The following ANK1 variants were observed in gnomAD, a reference collection of about 807,000 sequenced individuals.
The protein encoded by ANK1 is ankyrin 1.
Under a neutral mutation model 210.4 loss-of-function variants are expected in ANK1, and 51 were observed. The ratio of observed to expected loss-of-function variants is 0.24; its 90% CI spans 0.19 to 0.31. The LOEUF (loss-of-function observed/expected upper bound fraction) is 0.31, where lower values mean the gene tolerates loss of function less well. Ranked by LOEUF, ANK1 falls within the 10% of genes least tolerant of loss-of-function variation. The pLI, the probability that ANK1 is intolerant of heterozygous loss-of-function variation, is 1.00. For missense variants in ANK1, 2,051 were observed against 2,504.4 expected, an observed-to-expected ratio of 0.82 and a Z score of 3.86; for synonymous variants, 967 against 1,025.9, an observed-to-expected ratio of 0.94 and a Z score of 1.10.
chr8:41,767,814 C>T (rs191720988), intron 1 of ANK1, among the ~76,000 whole-genome samples: 1 of 152,224 alleles, frequency 6.6e-6, no homozygotes, highest in African/African-American at 2.4e-5. Flanking sequence ...CCTCCCGCCT[C>T]CCCGAATGCC....
chr8:41,686,043 A>G, intron 36 of ANK1, 109 bp downstream of exon 36: 4 of 1,545,300 alleles, frequency 2.6e-6, no homozygotes, highest in Non-Finnish European at 3.6e-6. Context: ...TGAGAGAGAC[A>G]GAGACAGACT....
intron 1 of ANK1, chr8:41,828,886 G>C (rs1452688295): frequency 1.3e-5 from 2 of 152,272 alleles, no homozygotes; most frequent in East Asian, 1.9e-4. Flanking sequence ...CGGCAAAGGC[G>C]GGTTCCGCAG....
At chr8:41,889,304 A>G (rs10504045) in intron 1 of ANK1, among the ~76,000 whole-genome samples, 1 of 152,220 alleles carries the variant, frequency 6.6e-6, no homozygotes, top group South Asian at 2.1e-4. Context: ...TTCTGGGGTT[A>G]TCAACCTATT....
At chr8:41,865,728 A>C (rs1465593944) in intron 1 of ANK1, among the ~76,000 whole-genome samples, 1 of 151,988 alleles carries the variant, frequency 6.6e-6, no homozygotes, top group Non-Finnish European at 1.5e-5. Flanking sequence ...TCCCCCCAGC[A>C]GTCCCAGGTA....
In ANK1 at chr8:41,655,155, C is replaced by T; in HGVS notation, c.*635G>A. The T allele has an allele frequency of 8.7e-6, 1 of 114,400 alleles. No individual in the cohort carries two copies. The highest frequency in any genetic ancestry group is 2.4e-4 in the East Asian group (1 of 4,108). 7.1% of individuals were successfully genotyped at this position (114,400 alleles called of 1,614,324 possible). A position where few individuals can be genotyped will look rare whatever the true frequency, so the allele number is the denominator to read the frequency against. ...GTGTGTGTGTGTGTGTGTGTGTGTCCTGAATGTCATGTAGAGCGATCTGGG... is the reference window on the plus strand; with the variant it reads ...GTGTGTGTGTGTGTGTGTGTGTGTCTTGAATGTCATGTAGAGCGATCTGGG... On this transcript the variant is annotated 3_prime_UTR_variant, in exon 43 of 43. Coordinates refer to ENST00000289734, the MANE Select transcript of ANK1 (RefSeq NM_000037.4).
intron 42 of ANK1, among the ~76,000 whole-genome samples, chr8:41,656,131 A>G (rs558464079): frequency 6.6e-6 from 1 of 152,350 alleles, no homozygotes; most frequent in East Asian, 1.9e-4. Context: ...CCCCCAGCAG[A>G]TCCTTGTACT....
intron 1 of ANK1, among the ~76,000 whole-genome samples, chr8:41,786,422 T>C (rs1011242314): frequency 2.0e-5 from 3 of 152,210 alleles, no homozygotes; most frequent in Admixed American, 6.5e-5. Flanking sequence ...CAAAATTAGA[T>C]GCAAACAAGT....
intron 1 of ANK1, among the ~76,000 whole-genome samples, chr8:41,779,465 GA>G (rs1331240116): frequency 6.6e-6 from 1 of 151,910 alleles, no homozygotes; most frequent in Non-Finnish European, 1.5e-5. Flanking sequence ...TGTTGCCTAG[GA>G]TGGTCTCAAA....
At chr8:41,664,842 AT>A in intron 39 of ANK1, 2 of 1,612,416 alleles carry the variant, frequency 1.2e-6, no homozygotes, top group Non-Finnish European at 1.7e-6. Context: ...CCTGGTGGAG[AT>A]GGTCTCCTCG....
In ANK1 at chr8:41,717,674, G is replaced by C; in HGVS notation, c.1235C>G (p.Ser412Cys). The change falls in exon 12 of 43, where the codon TCC (serine) becomes TGC (cysteine). Residue 412 changes from serine to cysteine, a missense_variant. By Grantham distance (112) the Ser-to-Cys change is moderately radical. Transcript: ENST00000289734. ...ESGLTPLHVA[S>C]FMGHLPIVKN... ...CACGATGGGAAGGTGCCCCATGAAGGAGGCCACGTGGAGAGGTGTCAGGCC... is the reference window on the plus strand; with the variant it reads ...CACGATGGGAAGGTGCCCCATGAAGCAGGCCACGTGGAGAGGTGTCAGGCC... The C allele has an allele frequency of 6.4e-7, 1 of 1,551,736 alleles. No homozygotes were observed. The highest frequency in any genetic ancestry group is 8.7e-7 in the Non-Finnish European group (1 of 1,147,014).
chr8:41,806,914 G>A (rs1427255184), intron 1 of ANK1, among the ~76,000 whole-genome samples: 1 of 152,140 alleles, frequency 6.6e-6, no homozygotes, highest in African/African-American at 2.4e-5. Context: ...CCACAGATGT[G>A]AGAAAAATAG....
intron 1 of ANK1, among the ~76,000 whole-genome samples, chr8:41,761,131 AC>A (rs1840306518): frequency 1.3e-5 from 2 of 150,638 alleles, no homozygotes; most frequent in Non-Finnish European, 2.9e-5. Context: ...ATGCACACAC[AC>A]ACACACACAC....
chr8:41,822,713 G>A (rs1420164396), intron 1 of ANK1, among the ~76,000 whole-genome samples: 4 of 152,154 alleles, frequency 2.6e-5, no homozygotes, highest in East Asian at 1.9e-4. Context: ...CTAATCCCCC[G>A]AAGGCCAGAG....
intron 2 of ANK1, among the ~76,000 whole-genome samples, chr8:41,753,775 C>T (rs2150706494): frequency 1.4e-5 from 1 of 72,328 alleles, no homozygotes; most frequent in Non-Finnish European, 3.0e-5. Flanking sequence ...GTGACTCTCG[C>T]CCCTACCTGT....
At chr8:41,816,524 GA>G (rs1308373502) in intron 1 of ANK1, among the ~76,000 whole-genome samples, 1 of 151,958 alleles carries the variant, frequency 6.6e-6, no homozygotes, top group Admixed American at 6.6e-5. Context: ...CTACAACCTC[GA>G]ACTTCTGGGC....
chr8:41,758,473 C>T (rs139827616), intron 1 of ANK1, among the ~76,000 whole-genome samples: 18 of 152,244 alleles, frequency 1.2e-4, no homozygotes, highest in African/African-American at 7.2e-5. Flanking sequence ...GCTGGGACTA[C>T]AGGTGTGTAC....
At chr8:41,728,184 A>G (rs1385816286) in intron 3 of ANK1, among the ~76,000 whole-genome samples, 178 bp from the exon 4 acceptor site, 1 of 152,190 alleles carries the variant, frequency 6.6e-6, no homozygotes, top group African/African-American at 2.4e-5. Context: ...TCATACTGAA[A>G]GTACAGGGAG....
intron 36 of ANK1, among the ~76,000 whole-genome samples, 166 bp from the exon 37 acceptor site, chr8:41,684,856 T>C (rs1270353116): frequency 6.6e-6 from 1 of 152,212 alleles, no homozygotes; most frequent in Non-Finnish European, 1.5e-5. Context: ...CTGGGGAGAA[T>C]ACTTTTTACA....
Position 41,702,137 on chromosome 8 carries a change from G to A in ANK1, c.2303C>T (p.Thr768Ile). The A allele has an allele frequency of 6.2e-7, 1 of 1,614,096 alleles. No homozygotes were observed. The highest frequency in any genetic ancestry group is 8.5e-7 in the Non-Finnish European group (1 of 1,179,984). Residue 768 changes from threonine to isoleucine, a missense_variant, in exon 21 of 43, where the codon ACC becomes ATC. Thr to Ile is a moderately conservative substitution (Grantham distance 89). Around this residue, in one of 6 missense-constraint regions of ANK1, gnomAD observed 1,413 missense variants for 1,707.4 expected, o/e 0.83. Transcript: ENST00000289734. ...GCGCTTGGCTATGGCCAGAGGTGTG[G>A]TTCCATCCTGGGGAAAGAGCAGCCC... ...ASPNEVSSDGTTPLAIAKRLG... is the reference protein window; with the variant it reads ...ASPNEVSSDGITPLAIAKRLG...
Sources: gnomAD v4.1 joint callset for allele counts (sites outside exome capture counted in the v4.1 genomes callset) on GRCh38, gnomAD v4.1.1 for gene constraint, gnomAD v4.1.1 regional missense constraint, MANE v1.5 for transcripts, NCBI Gene and HGNC (gene_info 2026-07-23, HGNC 2026-07-21) for gene names.